CALML4: variants seen among roughly 807,000 people sequenced by gnomAD.
CALML4 encodes calmodulin like 4, also known as calmodulin-like protein 4.
CALML4 carries 16 observed loss-of-function variants against 17.9 expected under a neutral mutation model. The ratio of observed to expected loss-of-function variants is 0.89; its 90% confidence interval spans 0.61 to 1.36. The LOEUF is 1.36. Among genes scored for constraint, CALML4 ranks in the 40% most tolerant of loss-of-function variants. The pLI, the probability that CALML4 is intolerant of heterozygous loss-of-function variation, is 0.00. For synonymous variants in CALML4, 86 were observed against 71.5 expected (o/e 1.20, Z -1.02); for missense variants, 203 against 194.8 (o/e 1.04, Z -0.25).
chr15:68,199,474 C>G (rs2093157733), intron 3 of CALML4, 67 bp downstream of exon 3: 1 of 1,495,448 alleles, frequency 6.7e-7, no homozygotes, highest in South Asian at 1.3e-5. Context: ...GAGCTTTTCA[C>G]ACCTCTACTG....
intron 4 of CALML4, among the ~76,000 whole-genome samples, chr15:68,195,632 GAGA>G (rs552901343): frequency 8.0e-4 from 122 of 152,334 alleles, no homozygotes; most frequent in South Asian, 1.9e-3. Flanking sequence ...CAGGCCTCAG[GAGA>G]AGGCTTCACC....
At chr15:68,199,438 C>T in intron 3 of CALML4, 103 bp downstream of exon 3, 1 of 1,314,534 alleles carries the variant, frequency 7.6e-7, no homozygotes, top group African/African-American at 1.5e-5. Context: ...CAGGAGGCCT[C>T]CCTGCCACCT....
Position 68,197,545 on chromosome 15 carries a change from G to C in CALML4, c.259C>G (p.Leu87Val). Residue 87 changes from leucine to valine, a missense_variant, in exon 4 of 5, where the codon CTT (leucine) becomes GTT (valine). Transcript: ENST00000467889. The surrounding 1 kb of genome is among the most constrained non-coding windows in gnomAD (Gnocchi z 4.1). ...IKQEDPKKEI[L>V]LAMLMVDKEK... ...TTGTCCACCATCAACATGGCTAGAA[G>C]AATTTCTTTCTTTGGGTCTTCTTGT... 1 of 1,614,114 alleles carries C rather than the reference G, an allele frequency of 6.2e-7. No individual in the cohort carries two copies. Among genetic ancestry groups the C allele is most frequent in the Non-Finnish European group, 8.5e-7 (1 of 1,180,018 alleles).
chr15:68,204,667 A>G lies in CALML4; in HGVS notation c.34+454T>C, dbSNP rs757160433. ...CTTGATGCCAGGGCAAAGGGGGCTC[A>G]GTGGACCCTCCATTTTACAGATAGG... is the stretch of plus-strand genomic sequence containing the variant. On this transcript the variant is annotated intron_variant, in intron 2 of 4. Coordinates refer to ENST00000467889, the MANE Select transcript of CALML4 (RefSeq NM_033429.3). This position sits in a 1 kb window ranked among gnomAD's most constrained non-coding sequence, Gnocchi z 6.0. Among the ~76,000 whole-genome samples the G allele has an allele frequency of 4.7e-4, 72 of 152,300 alleles. No individual in the cohort carries two copies. The highest frequency in any genetic ancestry group is 1.0e-3 in the Non-Finnish European group (68 of 68,000).
At chr15:68,205,466 A>G (rs2093180237), upstream of CALML4, 36 of 1,524,456 alleles carry the variant, frequency 2.4e-5, 1 homozygote, top group Non-Finnish European at 3.2e-5. The surrounding 1 kb of genome is among the most constrained non-coding windows in gnomAD (Gnocchi z 4.8). Flanking sequence ...ATTTTTGAGG[A>G]AATGGGGCTG....
At chr15:68,196,958 ACT>A (rs1267166718) in intron 4 of CALML4, among the ~76,000 whole-genome samples, 9 of 121,070 alleles carry the variant, frequency 7.4e-5, no homozygotes, top group South Asian at 3.1e-4. Context: ...CAATTCGGAA[ACT>A]CGACCTCAGC....
Position 68,205,172 on chromosome 15 carries a change from C to G in CALML4, c.4-21G>C, listed in dbSNP as rs767489836. The stretch of plus-strand genomic sequence containing the variant: ...TTGGCCTGCAGCAGAGAAAGGAAAA[C>G]AGTCAGGGGAGGGCTCCACCTGAGG... On this transcript the variant is annotated intron_variant, in intron 1 of 4. Coordinates refer to ENST00000467889, the MANE Select transcript of CALML4 (RefSeq NM_033429.3). This position sits in a 1 kb window ranked among gnomAD's most constrained non-coding sequence, Gnocchi z 4.8. 2 of 1,614,114 alleles carry G rather than the reference C, an allele frequency of 1.2e-6. No homozygotes were observed. Among genetic ancestry groups the G allele is most frequent in the East Asian group, 2.2e-5 (1 of 44,886 alleles).
Position 68,191,551 on chromosome 15 carries a change from C to G in CALML4, c.*2464G>C, listed in dbSNP as rs903191659. The G allele has an allele frequency of 7.9e-5, 12 of 152,656 alleles. No individual in the cohort carries two copies. Among genetic ancestry groups the G allele is most frequent in the African/African-American group, 2.4e-4 (10 of 41,464 alleles). The allele number at this position is 152,656 out of a possible 1,614,324, so 9.5% of individuals were successfully genotyped here. On this transcript the variant is annotated 3_prime_UTR_variant, in exon 5 of 5. Coordinates refer to ENST00000467889, the MANE Select transcript of CALML4 (RefSeq NM_033429.3). ...ATAATGGTTTGTGCTTCCAAAGCACCTTTCATCCAGAGATTTCAAAGCATG... is the reference window on the plus strand; with the variant it reads ...ATAATGGTTTGTGCTTCCAAAGCACGTTTCATCCAGAGATTTCAAAGCATG...
chr15:68,203,202 G>C (rs951988239), intron 2 of CALML4, among the ~76,000 whole-genome samples: 1 of 152,092 alleles, frequency 6.6e-6, no homozygotes, highest in Non-Finnish European at 1.5e-5. Context: ...CACATGCCTC[G>C]GCCTCCCAAA....
intron 3 of CALML4, 60 bp downstream of exon 3, chr15:68,199,478 TCTA>T (rs780060294): frequency 5.9e-5 from 91 of 1,539,548 alleles, no homozygotes; most frequent in Non-Finnish European, 7.8e-5. Flanking sequence ...TTTTCACACC[TCTA>T]CTGTCTGCAC....
In CALML4 at chr15:68,197,328, G is replaced by A. The variant is rs558497506; in HGVS notation, c.364+112C>T. 142 of 953,340 alleles carry A rather than the reference G, an allele frequency of 1.5e-4. No individual in the cohort carries two copies. Among genetic ancestry groups the A allele is most frequent in the Admixed American group, 5.4e-4 (23 of 42,224 alleles). The allele number at this position is 953,340 out of a possible 1,614,324, so 59.1% of individuals were successfully genotyped here. A position where few individuals can be genotyped will look rare whatever the true frequency, so the allele number is the denominator to read the frequency against. ...CATCTGCTCACAGTCTCCTGCGCGC[G>A]CATCAACAGAGGTGGTCTGTACCAC... On this transcript the variant is annotated intron_variant, in intron 4 of 4. Coordinates refer to ENST00000467889, the MANE Select transcript of CALML4 (RefSeq NM_033429.3). This position sits in a 1 kb window ranked among gnomAD's most constrained non-coding sequence, Gnocchi z 4.1.
rs2093150279 is a variant in CALML4, at chr15:68,197,604, G to A, written c.200C>T (p.Ser67Phe). The A allele has an allele frequency of 6.2e-7, 1 of 1,613,888 alleles. No individual in the cohort carries two copies. Among genetic ancestry groups the A allele is most frequent in the African/African-American group, 1.3e-5 (1 of 74,870 alleles). Residue 67 changes from serine (S) to phenylalanine (F), a missense_variant, in exon 4 of 5, where the codon TCC becomes TTC. Coordinates refer to ENST00000467889, the MANE Select transcript of CALML4 (RefSeq NM_033429.3). This position sits in a 1 kb window ranked among gnomAD's most constrained non-coding sequence, Gnocchi z 4.1. Reference sequence around the variant, plus strand: ...CATGTGCATAATGGTCAGAAAAGTGGAGAAATCCAGCTCTCCATTTCCGTC... The same window carrying A: ...CATGTGCATAATGGTCAGAAAAGTGAAGAAATCCAGCTCTCCATTTCCGTC... ...GIDGNGELDF[S>F]TFLTIMHMQI... is the part of the protein sequence containing the mutation.
chr15:68,195,729 T>G (rs2093141589), intron 4 of CALML4, among the ~76,000 whole-genome samples: 1 of 152,230 alleles, frequency 6.6e-6, no homozygotes, highest in South Asian at 2.1e-4. Context: ...GGTATCATTC[T>G]TCCCATCTCC....
At chr15:68,196,216 T>G (rs1214394414) in intron 4 of CALML4, among the ~76,000 whole-genome samples, 1 of 152,238 alleles carries the variant, frequency 6.6e-6, no homozygotes, top group Admixed American at 6.5e-5. Flanking sequence ...GCCTGGCTAA[T>G]TTTTGTATGT....
intron 3 of CALML4, chr15:68,198,529 A>T (rs1180098885): frequency 6.6e-6 from 1 of 152,218 alleles, no homozygotes; most frequent in Admixed American, 6.5e-5. Flanking sequence ...GCAAACAGCA[A>T]CCCCAGGCTC....
Position 68,197,402 on chromosome 15 carries a change from CCCCT to C in CALML4, c.364+34_364+37del. Reference sequence around the variant, plus strand: ...GGTGCCCTCCTTCCAACTCCCTAACCCCCTCCAACTGTTGGGAGACAGGACCCAG... The same window carrying C: ...GGTGCCCTCCTTCCAACTCCCTAACCCCAACTGTTGGGAGACAGGACCCAG... On this transcript the variant is annotated intron_variant, in intron 4 of 4. Coordinates refer to ENST00000467889, the MANE Select transcript of CALML4 (RefSeq NM_033429.3). The surrounding 1 kb of genome is among the most constrained non-coding windows in gnomAD (Gnocchi z 4.1). 1 of 1,596,428 alleles carries C rather than the reference CCCCT, an allele frequency of 6.3e-7. No homozygotes were observed. Among genetic ancestry groups the C allele is most frequent in the Non-Finnish European group, 8.5e-7 (1 of 1,170,222 alleles).
rs545862038 is a variant in CALML4 at position 68,191,824 on chromosome 15, G to GGTA, written c.*2188_*2190dup. The GGTA allele has an allele frequency of 4.6e-5, 7 of 152,296 alleles. 1 individual carries two copies. The highest frequency in any genetic ancestry group is 4.6e-4 in the Admixed American group (7 of 15,298). 9.4% of individuals were successfully genotyped at this position (152,296 alleles called of 1,614,324 possible). ...GGAGTAAGGTAACAGCCCTTCCTCG[G>GGTA]GTAGAGGTTTGAATCAAACACTTAA... On this transcript the variant is annotated 3_prime_UTR_variant, in exon 5 of 5. Coordinates refer to ENST00000467889, the MANE Select transcript of CALML4 (RefSeq NM_033429.3).
In CALML4 at chr15:68,193,680, T is replaced by G. The variant is rs2093130519; in HGVS notation, c.*335A>C. 1 of 247,450 alleles carries G rather than the reference T, an allele frequency of 4.0e-6. No individual in the cohort carries two copies. Among genetic ancestry groups the G allele is most frequent in the African/African-American group, 2.2e-5 (1 of 44,906 alleles). The allele number at this position is 247,450 out of a possible 1,614,324, so 15.3% of individuals were successfully genotyped here. ...GGGAATCCAGCTTGTGTGGGGGGGCTTTGAGGAGTGAAATGATTTGCCCAA... is the reference window on the plus strand; with the variant it reads ...GGGAATCCAGCTTGTGTGGGGGGGCGTTGAGGAGTGAAATGATTTGCCCAA... On this transcript the variant is annotated 3_prime_UTR_variant, in exon 5 of 5. Transcript: ENST00000467889.
chr15:68,191,400 C>G lies in CALML4; in HGVS notation c.*2615G>C, dbSNP rs2093119397. ...ACATGCATTGGAAAAAAATTGTTTA[C>G]CTATTGAATGTTACCTGTTTATGTA... On this transcript the variant is annotated 3_prime_UTR_variant, in exon 5 of 5. Transcript: ENST00000467889. The G allele has an allele frequency of 1.3e-5, 2 of 152,562 alleles. No individual in the cohort carries two copies. The highest frequency in any genetic ancestry group is 2.9e-5 in the Non-Finnish European group (2 of 68,028). 9.5% of individuals were successfully genotyped at this position (152,562 alleles called of 1,614,324 possible). A position where few individuals can be genotyped will look rare whatever the true frequency, so the allele number is the denominator to read the frequency against.
Sources: gnomAD v4.1 joint callset for allele counts (sites outside exome capture counted in the v4.1 genomes callset) on GRCh38, gnomAD v4.1.1 for gene constraint, Gnocchi (gnomAD v3.1) non-coding constraint, MANE v1.5 for transcripts, NCBI Gene and HGNC (gene_info 2026-07-23, HGNC 2026-07-21) for gene names.